Variants in KIF1B observed in about 807,000 individuals in gnomAD.
The protein encoded by KIF1B is kinesin family member 1B, also known as kinesin-like protein KIF1B.
KIF1B carries 76 observed loss-of-function variants against 241.9 expected under a neutral mutation model. That is an observed-to-expected ratio of 0.31 (90% CI 0.26 to 0.38). The LOEUF (loss-of-function observed/expected upper bound fraction) is 0.38. Among genes scored for constraint, KIF1B ranks in the 10% least tolerant of loss-of-function variants. The pLI is 1.00. For synonymous variants in KIF1B, 750 were observed against 796.7 expected, an observed-to-expected ratio of 0.94 and a Z score of 0.99; for missense variants, 1,622 against 2,271.4, an observed-to-expected ratio of 0.71 and a Z score of 5.81.
At chr1:10,349,045 T>G (rs1652693811) in intron 37 of KIF1B, among the ~76,000 whole-genome samples, 1 of 152,214 alleles carries the variant, frequency 6.6e-6, no homozygotes, top group South Asian at 2.1e-4. Flanking sequence ...AAACTCTGTA[T>G]TCCTGTTTCT....
At chr1:10,333,350 A>G (rs549260143) in intron 27 of KIF1B, among the ~76,000 whole-genome samples, 2 of 150,140 alleles carry the variant, frequency 1.3e-5, no homozygotes, top group African/African-American at 4.9e-5. Flanking sequence ...AGCCTGGGCA[A>G]CAAGAGTGAA....
intron 2 of KIF1B, among the ~76,000 whole-genome samples, chr1:10,244,054 C>G (rs1647173564): frequency 6.6e-6 from 1 of 151,984 alleles, no homozygotes; most frequent in African/African-American, 2.4e-5. Context: ...TTTTAATACT[C>G]TGGGATCAAG....
At chr1:10,336,346 A>C (rs1373651683) in intron 28 of KIF1B, among the ~76,000 whole-genome samples, 1 of 152,094 alleles carries the variant, frequency 6.6e-6, no homozygotes, top group Non-Finnish European at 1.5e-5. Flanking sequence ...ACGGGGTTTC[A>C]CCATGTTGGT....
intron 15 of KIF1B, among the ~76,000 whole-genome samples, chr1:10,284,017 A>G (rs1230282294): frequency 1.3e-5 from 2 of 152,244 alleles, no homozygotes; most frequent in Admixed American, 6.5e-5. Flanking sequence ...ATATGAAGAA[A>G]GAGGTTCTGC....
intron 32 of KIF1B, among the ~76,000 whole-genome samples, chr1:10,340,334 G>A (rs151058624): frequency 1.1e-4 from 17 of 152,246 alleles, no homozygotes; most frequent in African/African-American, 3.8e-4. Context: ...GTATTCCTAC[G>A]TGGAGTAAGA....
rs1413104442 is a variant in KIF1B at position 10,276,332 on chromosome 1, C to T, written c.970C>T (p.Arg324Trp). ...LLRENLGGNS[R>W]TAMVAALSPA... ...ATTAATCTTTTTAGGTGGCAATTCT[C>T]GGACTGCAATGGTTGCTGCTCTGAG... The change falls in exon 12 of 49, where the codon CGG becomes TGG. Residue 324 changes from arginine (R) to tryptophan (W), a missense_variant. Physicochemically the swap from Arg to Trp is moderately radical, Grantham distance 101 (BLOSUM62 -3). Coordinates refer to ENST00000676179, the MANE Select transcript of KIF1B (RefSeq NM_001365951.3). 1.1e-5 allele frequency: 17 copies of T among 1,613,382 alleles called. No individual in the cohort carries two copies. The highest frequency in any genetic ancestry group is 1.6e-4 in the Middle Eastern group (1 of 6,062).
At position 10,268,291 on chromosome 1, in the gene KIF1B, A is replaced by G. The variant is rs1330941635; in HGVS notation, c.720+28A>G. On this transcript the variant is annotated intron_variant, in intron 7 of 48. Transcript: ENST00000676179. The stretch of plus-strand genomic sequence containing the variant: ...AGGAGAGTTTCAGTCTCTAGGCTTG[A>G]GTTGTGAAGGATGGAGATTTTGAGA... 7.0e-6 allele frequency: 10 copies of G among 1,425,766 alleles called. No individual in the cohort carries two copies. The Admixed American group carries it at 1.3e-4, about 19-fold the overall frequency. 88.3% of individuals were successfully genotyped at this position (1,425,766 alleles called of 1,614,324 possible).
chr1:10,307,437 G>A (rs1048180868), intron 22 of KIF1B: 27 of 409,814 alleles, frequency 6.6e-5, no homozygotes, highest in Non-Finnish European at 8.4e-5. Flanking sequence ...AGCCTCCTGG[G>A]TAGCTGGGAC....
At chr1:10,352,939 T>TATGTG (rs1473090584) in intron 38 of KIF1B, among the ~76,000 whole-genome samples, 6 of 152,374 alleles carry the variant, frequency 3.9e-5, no homozygotes, top group African/African-American at 1.4e-4. Flanking sequence ...CAGATATTTG[T>TATGTG]ATGTGATCAG....
At chr1:10,311,476 G>A (rs1325296523) in intron 22 of KIF1B, among the ~76,000 whole-genome samples, 1 of 151,282 alleles carries the variant, frequency 6.6e-6, no homozygotes, top group Admixed American at 6.6e-5. Flanking sequence ...GCCTCCCAAA[G>A]TGCTGGGATT....
chr1:10,276,809 A>G (rs543588962), intron 12 of KIF1B, among the ~76,000 whole-genome samples: 1 of 152,298 alleles, frequency 6.6e-6, no homozygotes, highest in South Asian at 2.1e-4. Context: ...GGCCAGGCGC[A>G]GTGGCCCCCA....
chr1:10,317,128 C>G (rs1248067393), intron 22 of KIF1B, among the ~76,000 whole-genome samples: 4 of 151,544 alleles, frequency 2.6e-5, no homozygotes, highest in Non-Finnish European at 5.9e-5. Flanking sequence ...GACCCCAAAC[C>G]CAAGCCTCTT....
chr1:10,257,500 C>T (rs934467916), intron 3 of KIF1B, among the ~76,000 whole-genome samples: 1 of 151,332 alleles, frequency 6.6e-6, no homozygotes, highest in Admixed American at 6.6e-5. Flanking sequence ...AAAGAGGCTG[C>T]AGATCCACAA....
intron 41 of KIF1B, among the ~76,000 whole-genome samples, chr1:10,364,704 G>A (rs978222443): frequency 6.6e-6 from 1 of 152,002 alleles, no homozygotes; most frequent in East Asian, 1.9e-4. Context: ...AGTTTGCTAC[G>A]TATAAGAATT....
At chr1:10,368,268 T>C (rs1193813650) in intron 43 of KIF1B, among the ~76,000 whole-genome samples, 199 bp from the exon 44 acceptor site, 3 of 152,098 alleles carry the variant, frequency 2.0e-5, no homozygotes, top group Admixed American at 2.0e-4. Flanking sequence ...GTTTTTAAAT[T>C]TACTGATTTA....
At chr1:10,244,871 C>T (rs868313645) in intron 2 of KIF1B, among the ~76,000 whole-genome samples, 2 of 152,230 alleles carry the variant, frequency 1.3e-5, no homozygotes, top group Non-Finnish European at 1.5e-5. Flanking sequence ...CTCGGCCTCC[C>T]AAAGGACTGG....
At chr1:10,309,049 T>C (rs184164018) in intron 22 of KIF1B, among the ~76,000 whole-genome samples, 1 of 152,300 alleles carries the variant, frequency 6.6e-6, no homozygotes, top group East Asian at 1.9e-4. Context: ...TAACCTCTGC[T>C]TTTCTTCACC....
intron 39 of KIF1B, 53 bp downstream of exon 39, chr1:10,361,096 G>T: frequency 9.1e-7 from 1 of 1,100,936 alleles, no homozygotes; most frequent in Non-Finnish European, 1.4e-6. Context: ...TGAACAGTGT[G>T]CAGGTTACAG....
At chr1:10,297,339 T>A in intron 22 of KIF1B, 93 bp downstream of exon 22, 1 of 1,048,482 alleles carries the variant, frequency 9.5e-7, no homozygotes, top group Non-Finnish European at 1.5e-6. Context: ...CCAAATTGCT[T>A]CTGTCTCAAT....
Sources: allele counts gnomAD v4.1 joint callset (sites outside exome capture counted in the v4.1 genomes callset), GRCh38; gene constraint gnomAD v4.1.1; transcripts MANE v1.5; gene names NCBI Gene and HGNC (gene_info 2026-07-23, HGNC 2026-07-21).